Variants in NOTUM observed in about 807,000 individuals in gnomAD.
The protein encoded by NOTUM is notum, palmitoleoyl-protein carboxylesterase.
A neutral mutation model predicts 65.5 loss-of-function variants in NOTUM; 36 were observed. The ratio of observed to expected loss-of-function variants is 0.55; its 90% CI spans 0.42 to 0.73. NOTUM has a LOEUF of 0.73. Among genes scored for constraint, NOTUM ranks in the 30% least tolerant of loss-of-function variants. The probability of loss-of-function intolerance (pLI) is 0.00; values close to 1 mark genes in which losing one functional copy is unlikely to be tolerated. For synonymous variants in NOTUM, 356 were observed against 297.9 expected (o/e 1.20, Z -2.01); for missense variants, 659 against 694.2 (o/e 0.95, Z 0.57).
At chr17:81,953,597 GT>G (rs898489279) in intron 10 of NOTUM, among the ~76,000 whole-genome samples, 7 of 151,960 alleles carry the variant, frequency 4.6e-5, no homozygotes, top group African/African-American at 1.7e-4. Flanking sequence ...TCTAGCCTGG[GT>G]TTTTTTGTTT....
In NOTUM at chr17:81,953,007, C is replaced by T. The variant is rs1260934532; in HGVS notation, c.1445G>A (p.Gly482Glu). 6.2e-7 allele frequency: 1 copy of T among 1,614,036 alleles called. No individual in the cohort carries two copies. The highest frequency in any genetic ancestry group is 1.7e-5 in the Admixed American group (1 of 60,028). ...FDMQTVAQPQ[G>E]LEPSELLGML... Reference sequence around the variant, plus strand: ...CCCCAGCAGCTCACTGGGCTCCAGTCCCTGCGGCTGGGCCACCGTCTGCAT... The same window carrying T: ...CCCCAGCAGCTCACTGGGCTCCAGTTCCTGCGGCTGGGCCACCGTCTGCAT... Residue 482 changes from glycine (G) to glutamate (E), a missense_variant, in exon 11 of 11, where the codon GGA (glycine) becomes GAA (glutamate). Gly to Glu is a moderately conservative substitution (Grantham distance 98). Coordinates refer to ENST00000409678, the MANE Select transcript of NOTUM (RefSeq NM_178493.6).
rs1211385846 is a variant in NOTUM, at chr17:81,960,968, A to ATGCCGGGCCGGGGG, written c.-73_-60dup. 136 of 1,006,636 alleles carry ATGCCGGGCCGGGGG rather than the reference A, an allele frequency of 1.4e-4. No individual in the cohort carries two copies. Among genetic ancestry groups the ATGCCGGGCCGGGGG allele is most frequent in the Non-Finnish European group, 1.5e-4 (123 of 802,332 alleles). The allele number at this position is 1,006,636 out of a possible 1,614,324, so 62.4% of individuals were successfully genotyped here. On this transcript the variant is annotated 5_prime_UTR_variant, in exon 1 of 11. Transcript: ENST00000409678. This position sits in a 1 kb window ranked among gnomAD's most constrained non-coding sequence, Gnocchi z 6.4. Reference sequence around the variant, plus strand: ...GAGGCGGCGGCGGCGGCGGCGGGGGATGCCGGGCCGGGGGTGCCGGGCCGG... The same window carrying ATGCCGGGCCGGGGG: ...GAGGCGGCGGCGGCGGCGGCGGGGGATGCCGGGCCGGGGGTGCCGGGCCGGGGGTGCCGGGCCGG...
In NOTUM at chr17:81,956,660, C is replaced by T. The variant is rs777840883; in HGVS notation, c.978G>A (p.Pro326=). 6 of 1,610,798 alleles carry T rather than the reference C, an allele frequency of 3.7e-6. No individual in the cohort carries two copies. In the African/African-American group the frequency reaches 4.0e-5, roughly 11 times the overall value. The part of the protein sequence containing the change: ...WNCFFGYKVY[P]TLRCPVFVVQ... ...CTGCCGCCCACTCACAGCGCAGGGT[C>T]GGGTAGACCTTGTAGCCAAAGAAGC... Residue 326 remains proline, a synonymous_variant, in exon 8 of 11, where the codon CCG becomes CCA. Coordinates refer to ENST00000409678, the MANE Select transcript of NOTUM (RefSeq NM_178493.6).
At chr17:81,953,492 T>G (rs2041403346) in intron 10 of NOTUM, among the ~76,000 whole-genome samples, 2 of 151,724 alleles carry the variant, frequency 1.3e-5, no homozygotes, top group African/African-American at 4.8e-5. Flanking sequence ...AGATGGGGTT[T>G]CACTATGTTG....
In NOTUM at chr17:81,954,238, C is replaced by G; in HGVS notation, c.1184+18G>C. 1 of 1,599,470 alleles carries G rather than the reference C, an allele frequency of 6.3e-7. No homozygotes were observed. The highest frequency in any genetic ancestry group is 8.6e-7 in the Non-Finnish European group (1 of 1,166,748). On this transcript the variant is annotated intron_variant, in intron 10 of 10. Transcript: ENST00000409678. ...GTTGATGTCATGGACGCAAGCTGCC[C>G]GGAGCAGGGACACTGACCTCCGGAT...
intron 6 of NOTUM, 114 bp downstream of exon 6, chr17:81,957,692 C>G: frequency 1.4e-6 from 1 of 727,666 alleles, no homozygotes; most frequent in Admixed American, 2.3e-5. Context: ...CTGCCAAGAT[C>G]TGCACAGGCT....
chr17:81,956,909 G>C lies in NOTUM; in HGVS notation c.861C>G (p.Pro287=). The C allele has an allele frequency of 1.9e-6, 3 of 1,611,864 alleles. No individual in the cohort carries two copies. Among genetic ancestry groups the C allele is most frequent in the Non-Finnish European group, 2.5e-6 (3 of 1,179,706 alleles). ...TGATGCCACGGCGGATGGCCTCCGT[G>C]GGCGCGCACGTGATCGTGTCGACGC... The part of the protein sequence containing the change: ...TDCVDTITCA[P]TEAIRRGIRY... Residue 287 remains proline (P), a synonymous_variant, in exon 7 of 11, where the codon CCC becomes CCG. Coordinates refer to ENST00000409678, the MANE Select transcript of NOTUM (RefSeq NM_178493.6).
At chr17:81,955,576 CT>C in intron 8 of NOTUM, 32 bp from the exon 9 acceptor site, 1 of 1,593,876 alleles carries the variant, frequency 6.3e-7, no homozygotes, top group African/African-American at 1.3e-5. Context: ...TCGGCCTCCC[CT>C]GACCCCCGCT....
intron 3 of NOTUM, 61 bp from the exon 4 acceptor site, chr17:81,959,056 G>A: frequency 2.1e-6 from 3 of 1,451,016 alleles, no homozygotes; most frequent in East Asian, 2.3e-5. Flanking sequence ...GTCGGGTCTG[G>A]GAACCCTGGT....
intron 5 of NOTUM, 40 bp downstream of exon 5, chr17:81,958,295 C>G (rs751243378): frequency 1.4e-5 from 20 of 1,440,498 alleles, no homozygotes; most frequent in Non-Finnish European, 1.9e-6. Flanking sequence ...CATCCGGCCC[C>G]GTCCCTGCCC....
At position 81,960,924 on chromosome 17, in the gene NOTUM, G is replaced by C. The variant is rs909372046; in HGVS notation, c.-15C>G. The stretch of plus-strand genomic sequence containing the variant: ...CCTCGGCCCATGGCCGCGTCCACCT[G>C]CGGGGAGCGGGCGGCCTTGAGGCGG... On this transcript the variant is annotated 5_prime_UTR_variant, in exon 1 of 11. Transcript: ENST00000409678. This position sits in a 1 kb window ranked among gnomAD's most constrained non-coding sequence, Gnocchi z 6.4. 7 of 1,222,816 alleles carry C rather than the reference G, an allele frequency of 5.7e-6. No individual in the cohort carries two copies. Among genetic ancestry groups the C allele is most frequent in the Non-Finnish European group, 6.1e-6 (6 of 981,798 alleles). 75.7% of individuals were successfully genotyped at this position (1,222,816 alleles called of 1,614,324 possible).
In NOTUM at chr17:81,953,113, G is replaced by T; in HGVS notation, c.1339C>A (p.Pro447Thr). ...TGGTCTCGGACGGTGGGGCATGAGG[G>T]GTTGCAGTGGGGCCAGGGGCAGCTG... is the stretch of plus-strand genomic sequence containing the variant. ...VDSCPWPHCN[P>T]SCPTVRDQFT... Residue 447 changes from proline to threonine, a missense_variant, in exon 11 of 11, where the codon CCC becomes ACC. Coordinates refer to ENST00000409678, the MANE Select transcript of NOTUM (RefSeq NM_178493.6). 1 of 1,613,766 alleles carries T rather than the reference G, an allele frequency of 6.2e-7. No individual in the cohort carries two copies. The highest frequency in any genetic ancestry group is 8.5e-7 in the Non-Finnish European group (1 of 1,179,774).
chr17:81,960,478 A>G lies in NOTUM; in HGVS notation c.323+109T>C. Reference sequence around the variant, plus strand: ...CGGGGCCAGGACCGCGGGGCGCCCGACGGAAGCCCTTTCTCCCCGGGGAGA... The same window carrying G: ...CGGGGCCAGGACCGCGGGGCGCCCGGCGGAAGCCCTTTCTCCCCGGGGAGA... On this transcript the variant is annotated intron_variant, in intron 1 of 10. Transcript: ENST00000409678. The surrounding 1 kb of genome is among the most constrained non-coding windows in gnomAD (Gnocchi z 6.4). 1 of 758,054 alleles carries G rather than the reference A, an allele frequency of 1.3e-6. No individual in the cohort carries two copies. The highest frequency in any genetic ancestry group is 2.0e-6 in the Non-Finnish European group (1 of 505,004). 47.0% of individuals were successfully genotyped at this position (758,054 alleles called of 1,614,324 possible). A position where few individuals can be genotyped will look rare whatever the true frequency, so the allele number is the denominator to read the frequency against.
chr17:81,956,816 GC>G (rs2041436966), intron 7 of NOTUM, 66 bp from the exon 8 acceptor site: 11 of 1,590,446 alleles, frequency 6.9e-6, no homozygotes, highest in Non-Finnish European at 9.4e-6. Flanking sequence ...ACCCACAGAT[GC>G]CACTCCACCC....
Position 81,956,824 on chromosome 17 carries a change from A to G in NOTUM, c.887+59T>C, listed in dbSNP as rs1220176129. ...GCTCCCCACCCACAGATGCCACTCC[A>G]CCCAGGCCCTTCTGGGGCAAAGCTG... On this transcript the variant is annotated intron_variant, in intron 7 of 10. Coordinates refer to ENST00000409678, the MANE Select transcript of NOTUM (RefSeq NM_178493.6). The G allele has an allele frequency of 1.5e-5, 24 of 1,594,158 alleles. No homozygotes were observed. The East Asian group carries it at 5.4e-4, about 36-fold the overall frequency.
In NOTUM at chr17:81,955,462, C is replaced by CGTG. The variant is rs2041425025; in HGVS notation, c.1070_1071insCAC (p.Gln357delinsHisThr). The CGTG allele has an allele frequency of 6.2e-7, 1 of 1,608,356 alleles. No individual in the cohort carries two copies. The highest frequency in any genetic ancestry group is 1.7e-5 in the Admixed American group (1 of 59,648). ...TCTGGATGTACAGCCGCAGGCCCTC[C>CGTG]TGCACCGGCTGCCCCGTCAGGTGCA... On this transcript the variant is annotated protein_altering_variant, in exon 9 of 11. Transcript: ENST00000409678.
At chr17:81,957,137 T>C in intron 6 of NOTUM, 63 bp from the exon 7 acceptor site, 3 of 1,425,804 alleles carry the variant, frequency 2.1e-6, no homozygotes, top group Admixed American at 1.8e-5. Flanking sequence ...CCCCCGAGTC[T>C]GCTCAGCGTC....
At position 81,960,689 on chromosome 17, in the gene NOTUM, G is replaced by C; in HGVS notation, c.221C>G (p.Ala74Gly). 6.2e-7 allele frequency: 1 copy of C among 1,601,400 alleles called. No homozygotes were observed. The highest frequency in any genetic ancestry group is 1.1e-5 in the South Asian group (1 of 88,872). ...CGCGGAGCAGGGGTACAGGGACTGC[G>C]CCAGGCTCTTGACTTGCGCCATGAA... is the stretch of plus-strand genomic sequence containing the variant. Reference protein sequence around the residue: ...DSFMAQVKSLAQSLYPCSAQQ... With the variant: ...DSFMAQVKSLGQSLYPCSAQQ... Residue 74 changes from alanine to glycine, a missense_variant, in exon 1 of 11, where the codon GCG (alanine) becomes GGG (glycine). By Grantham distance (60) the Ala-to-Gly change is moderately conservative. Coordinates refer to ENST00000409678, the MANE Select transcript of NOTUM (RefSeq NM_178493.6). This position sits in a 1 kb window ranked among gnomAD's most constrained non-coding sequence, Gnocchi z 6.4.
Position 81,956,640 on chromosome 17 carries a change from G to T in NOTUM, c.988+10C>A, listed in dbSNP as rs772930335. ...GCTGCCCTGTGTGCTCCGCTCTGCC[G>T]CCCACTCACAGCGCAGGGTCGGGTA... On this transcript the variant is annotated intron_variant, in intron 8 of 10. Coordinates refer to ENST00000409678, the MANE Select transcript of NOTUM (RefSeq NM_178493.6). The T allele has an allele frequency of 1.9e-6, 3 of 1,583,544 alleles. No homozygotes were observed. Among genetic ancestry groups the T allele is most frequent in the Non-Finnish European group, 2.6e-6 (3 of 1,153,714 alleles).
Sources: gnomAD v4.1 joint callset for allele counts (sites outside exome capture counted in the v4.1 genomes callset) on GRCh38, gnomAD v4.1.1 for gene constraint, Gnocchi (gnomAD v3.1) non-coding constraint, MANE v1.5 for transcripts, NCBI Gene and HGNC (gene_info 2026-07-23, HGNC 2026-07-21) for gene names.